SLC14A2: variants seen among roughly 807,000 people sequenced by gnomAD.
SLC14A2 encodes solute carrier family 14 member 2.
SLC14A2 carries 91 observed loss-of-function variants against 104.6 expected under a neutral mutation model. The ratio of observed to expected loss-of-function variants is 0.87; its 90% confidence interval spans 0.73 to 1.04. SLC14A2 has a LOEUF of 1.04. Among genes scored for constraint, SLC14A2 ranks in the 50% least tolerant of loss-of-function variants. SLC14A2 has a pLI of 0.00. For synonymous variants in SLC14A2, 476 were observed against 466.4 expected (o/e 1.02, Z -0.27); for missense variants, 1,189 against 1,156.0 (o/e 1.03, Z -0.41).
At chr18:45,270,997 C>T (rs1488878622) in intron 1 of SLC14A2, among the ~76,000 whole-genome samples, 1 of 152,178 alleles carries the variant, frequency 6.6e-6, no homozygotes, top group Non-Finnish European at 1.5e-5. Context: ...GTAAATATAG[C>T]AGGAAAATGC....
chr18:45,553,134 C>T (rs1160196413), intron 2 of SLC14A2, among the ~76,000 whole-genome samples: 1 of 152,180 alleles, frequency 6.6e-6, no homozygotes, highest in Non-Finnish European at 1.5e-5. Context: ...ATTTAATAAC[C>T]TTACAAACAC....
intron 2 of SLC14A2, among the ~76,000 whole-genome samples, chr18:45,566,515 GCACACACACA>G (rs66828313): frequency 0.67 from 101,219 of 150,034 alleles, 36,728 homozygotes; most frequent in South Asian, 0.84. Flanking sequence ...GCTCACGCTC[GCACACACACA>G]CACACACACA....
chr18:45,172,572 T>C, the SLC14A2 span, among the ~76,000 whole-genome samples: 19 of 152,290 alleles, frequency 1.2e-4, 1 homozygote, highest in Non-Finnish European at 1.0e-4. Flanking sequence ...TCCATTTGTA[T>C]AGCACTGTCA....
intron 2 of SLC14A2, among the ~76,000 whole-genome samples, chr18:45,500,494 G>A (rs950579119): frequency 1.3e-5 from 2 of 149,868 alleles, no homozygotes; most frequent in South Asian, 2.1e-4. Flanking sequence ...GGAGAATGGC[G>A]TGAACCCGGG....
At position 45,285,674 on chromosome 18, in the gene SLC14A2, C is replaced by T. The variant is rs965704211; in HGVS notation, c.-125+72483C>T. Among the ~76,000 whole-genome samples, 112 of 119,726 alleles carry T rather than the reference C, an allele frequency of 9.4e-4. 2 individuals carry two copies. The highest frequency in any genetic ancestry group is 2.7e-3 in the African/African-American group (92 of 33,684). 78.5% of individuals were successfully genotyped at this position (119,726 alleles called of 152,430 possible). A position where few individuals can be genotyped will look rare whatever the true frequency, so the allele number is the denominator to read the frequency against. On this transcript the variant is annotated intron_variant, in intron 1 of 20. Coordinates refer to the SLC14A2 transcript ENST00000586448. ...CTCAGGTGATCTGCCCCCCCCCCCC[C>T]TCGGCCTCCCAAAGTGCTGGGATTA...
intron 1 of SLC14A2, among the ~76,000 whole-genome samples, chr18:45,308,103 A>G (rs923359659): frequency 1.3e-5 from 2 of 152,196 alleles, no homozygotes; most frequent in Admixed American, 6.5e-5. Context: ...GAGGGCACCA[A>G]GCCATTCATG....
intron 1 of SLC14A2, among the ~76,000 whole-genome samples, chr18:45,360,814 G>T (rs2085602762): frequency 6.6e-6 from 1 of 152,168 alleles, no homozygotes; most frequent in Non-Finnish European, 1.5e-5. Context: ...AGAACTAACA[G>T]CTCAGTATTT....
intron 2 of SLC14A2, among the ~76,000 whole-genome samples, chr18:45,523,383 G>A (rs553357633): frequency 1.3e-5 from 2 of 151,854 alleles, no homozygotes; most frequent in Non-Finnish European, 2.9e-5. Flanking sequence ...AGGCTGGAGT[G>A]CAGTGGCGCA....
intron 10 of SLC14A2, among the ~76,000 whole-genome samples, chr18:45,648,619 T>C (rs1213368466): frequency 2.0e-5 from 3 of 152,234 alleles, no homozygotes; most frequent in Admixed American, 6.5e-5. Context: ...TCTTTTAATT[T>C]TTAACTTTAT....
the SLC14A2 span, among the ~76,000 whole-genome samples, chr18:45,199,249 C>T: frequency 9.9e-5 from 15 of 152,138 alleles, no homozygotes; most frequent in African/African-American, 2.9e-4. Flanking sequence ...ACACATTAGG[C>T]TTTTCTAATC....
intron 4 of SLC14A2, among the ~76,000 whole-genome samples, chr18:45,630,987 T>C (rs2045336248): frequency 6.6e-6 from 1 of 152,144 alleles, no homozygotes; most frequent in South Asian, 2.1e-4. Context: ...GACCTCCTGG[T>C]CACTACAGAG....
In SLC14A2 at chr18:45,533,293, C is replaced by T. The variant is rs559264676; in HGVS notation, c.-35+49971C>T. 9.7e-4 allele frequency among the ~76,000 whole-genome samples: 148 copies of T among 152,256 alleles called. 1 individual carries two copies. The highest frequency in any genetic ancestry group is 3.2e-3 in the African/African-American group (134 of 41,546). ...GAATGGTACCAGCTCCTCCTTGTAC[C>T]TCTGGTAGAATTCGGCTGTGAATCC... is the stretch of plus-strand genomic sequence containing the variant. On this transcript the variant is annotated intron_variant, in intron 2 of 20. Coordinates refer to the SLC14A2 transcript ENST00000586448.
At chr18:45,504,670 G>T (rs572941380) in intron 2 of SLC14A2, among the ~76,000 whole-genome samples, 10 of 152,196 alleles carry the variant, frequency 6.6e-5, no homozygotes, top group Non-Finnish European at 1.2e-4. Context: ...TACACATCTT[G>T]CATTACCCAG....
At chr18:45,234,197 G>T (rs1226231018) in intron 1 of SLC14A2, among the ~76,000 whole-genome samples, 1 of 152,092 alleles carries the variant, frequency 6.6e-6, no homozygotes, top group Non-Finnish European at 1.5e-5. Context: ...TACACTCCTG[G>T]GCTAAGAATA....
At chr18:45,369,401 A>G (rs1458350334) in intron 1 of SLC14A2, among the ~76,000 whole-genome samples, 1 of 152,192 alleles carries the variant, frequency 6.6e-6, no homozygotes, top group Non-Finnish European at 1.5e-5. Flanking sequence ...CACCCCAGGT[A>G]CATCTGCATT....
Position 45,632,475 on chromosome 18 carries a change from C to T in SLC14A2, c.647C>T (p.Ser216Phe), listed in dbSNP as rs1387546775. Residue 216 changes from serine to phenylalanine, a missense_variant, in exon 5 of 20, where the codon TCC becomes TTC. Ser to Phe is a radical substitution (Grantham distance 155, BLOSUM62 -2). Coordinates refer to ENST00000255226, the MANE Select transcript of SLC14A2 (RefSeq NM_007163.4). ...LLFPVTFTAM[S>F]CPVLSSALNS... ...TTTCCTGTGACCTTCACAGCCATGT[C>T]CTGGTGAGGCACCTCATTTTTTCTG... 1 of 1,613,220 alleles carries T rather than the reference C, an allele frequency of 6.2e-7. No individual in the cohort carries two copies. Among genetic ancestry groups the T allele is most frequent in the Admixed American group, 1.7e-5 (1 of 59,806 alleles).
At chr18:45,659,468 C>A (rs2045898734) in intron 10 of SLC14A2, among the ~76,000 whole-genome samples, 1 of 152,216 alleles carries the variant, frequency 6.6e-6, no homozygotes, top group Admixed American at 6.5e-5. Flanking sequence ...CCAAAATAAA[C>A]CACAGGGAGC....
At position 45,367,238 on chromosome 18, in the gene SLC14A2, A is replaced by G. The variant is rs561495670; in HGVS notation, c.-124-115995A>G. Among the ~76,000 whole-genome samples, 8 of 152,280 alleles carry G rather than the reference A, an allele frequency of 5.3e-5. No individual in the cohort carries two copies. In the East Asian group the frequency reaches 1.5e-3, roughly 29 times the overall value. The stretch of plus-strand genomic sequence containing the variant: ...AACAGCAAGCCAGAAAGGGAAAAAG[A>G]CTTGACCAAAGTCCCAAGCAAGGTG... On this transcript the variant is annotated intron_variant, in intron 1 of 20. Coordinates refer to the SLC14A2 transcript ENST00000586448.
intron 2 of SLC14A2, among the ~76,000 whole-genome samples, chr18:45,574,386 G>C (rs1381232543): frequency 6.6e-6 from 1 of 152,132 alleles, no homozygotes; most frequent in Non-Finnish European, 1.5e-5. Flanking sequence ...AGGTCTTCAG[G>C]GTTCTTCCTA....
Sources: gnomAD v4.1 joint callset for allele counts (sites outside exome capture counted in the v4.1 genomes callset) on GRCh38, gnomAD v4.1.1 for gene constraint, MANE v1.5 for transcripts, NCBI Gene and HGNC (gene_info 2026-07-23, HGNC 2026-07-21) for gene names.